SCAPER: variants seen among roughly 807,000 people sequenced by gnomAD.
SCAPER encodes S phase cyclin A-associated protein in the endoplasmic reticulum.
A neutral mutation model predicts 182.2 loss-of-function variants in SCAPER; 98 were observed. That is an observed-to-expected ratio of 0.54 (90% CI 0.46 to 0.64). The LOEUF (loss-of-function observed/expected upper bound fraction) is 0.64, where lower values mean the gene tolerates loss of function less well. Among genes scored for constraint, SCAPER ranks in the 30% least tolerant of loss-of-function variants. The pLI is 0.00. For missense variants in SCAPER, 1,432 were observed against 1,690.0 expected (o/e 0.85, Z 2.68); for synonymous variants, 605 against 564.6 (o/e 1.07, Z -1.01).
chr15:76,382,229 A>G (rs959037357), intron 27 of SCAPER, among the ~76,000 whole-genome samples: 1 of 152,216 alleles, frequency 6.6e-6, no homozygotes, highest in African/African-American at 2.4e-5. Flanking sequence ...CTTAGCTACC[A>G]TGGCAGGTAA....
intron 10 of SCAPER, among the ~76,000 whole-genome samples, chr15:76,769,962 C>T (rs2063357196): frequency 6.6e-6 from 1 of 152,112 alleles, no homozygotes; most frequent in East Asian, 1.9e-4. Context: ...CCCAAATGTC[C>T]ATCAATGATA....
intron 6 of SCAPER, among the ~76,000 whole-genome samples, chr15:76,803,093 A>C (rs1449419550): frequency 6.6e-6 from 1 of 152,138 alleles, no homozygotes; most frequent in African/African-American, 2.4e-5. Flanking sequence ...TCCCTACTTT[A>C]AAACCCTTTA....
chr15:76,798,459 AG>A lies in SCAPER; in HGVS notation c.611+1788del, dbSNP rs559559887. Among the ~76,000 whole-genome samples, 478 of 152,218 alleles carry A rather than the reference AG, an allele frequency of 3.1e-3. 5 individuals are homozygous for A. Among genetic ancestry groups the A allele is most frequent in the African/African-American group, 0.011 (457 of 41,546 alleles). On this transcript the variant is annotated intron_variant, in intron 7 of 31. Transcript: ENST00000563290. ...CAAACGTGTACAGTGGAATTTTCAAAGGAGAGAAGAGAGAGAAAGGGGCAGA... is the reference window on the plus strand; with the variant it reads ...CAAACGTGTACAGTGGAATTTTCAAAGAGAGAAGAGAGAGAAAGGGGCAGA...
At position 76,701,942 on chromosome 15, in the gene SCAPER, T is replaced by C. The variant is rs556653317; in HGVS notation, c.2401-77A>G. 6.3e-5 allele frequency: 61 copies of C among 969,026 alleles called. 1 individual carries two copies. The Middle Eastern group carries it at 2.8e-3, about 44-fold the overall frequency. The allele number at this position is 969,026 out of a possible 1,614,324, so 60.0% of individuals were successfully genotyped here. ...TAAACACTACACATTCAGTCCAGTA[T>C]ATGATATGTGAGTTGAGATCCACCT... On this transcript the variant is annotated intron_variant, in intron 19 of 31. Coordinates refer to ENST00000563290, the MANE Select transcript of SCAPER (RefSeq NM_020843.4).
intron 14 of SCAPER, among the ~76,000 whole-genome samples, chr15:76,762,413 T>G (rs1489729472): frequency 4.6e-5 from 7 of 151,876 alleles, no homozygotes; most frequent in Non-Finnish European, 7.4e-5. Context: ...TCTTTAGCAT[T>G]TGTGTATTTA....
At chr15:76,400,529 A>T (rs1470970594) in intron 27 of SCAPER, among the ~76,000 whole-genome samples, 2 of 152,216 alleles carry the variant, frequency 1.3e-5, no homozygotes, top group Admixed American at 6.5e-5. Flanking sequence ...GAATCTGAGG[A>T]GGTAGAAAAA....
chr15:76,772,310 T>C (rs2063517641), intron 9 of SCAPER, among the ~76,000 whole-genome samples: 1 of 152,042 alleles, frequency 6.6e-6, no homozygotes, highest in African/African-American at 2.4e-5. Context: ...CACTGTATTA[T>C]ACTCATACAA....
intron 8 of SCAPER, among the ~76,000 whole-genome samples, chr15:76,782,202 C>G (rs530383938): frequency 1.2e-4 from 18 of 151,254 alleles, no homozygotes; most frequent in South Asian, 6.3e-4. Context: ...ATCTACCAAG[C>G]AAATGGAAAG....
chr15:76,692,896 T>G (rs1300635838), intron 20 of SCAPER, among the ~76,000 whole-genome samples: 1 of 151,818 alleles, frequency 6.6e-6, no homozygotes, highest in Non-Finnish European at 1.5e-5. Flanking sequence ...AAATAAAAAC[T>G]TTTGACAAGG....
intron 23 of SCAPER, 151 bp downstream of exon 23, chr15:76,574,007 A>G (rs1036067846): frequency 1.6e-5 from 12 of 748,178 alleles, no homozygotes; most frequent in Non-Finnish European, 1.8e-5. Context: ...GAAAAGAACA[A>G]AAGTAAAAAA....
chr15:76,800,854 T>G (rs370568050), intron 6 of SCAPER, among the ~76,000 whole-genome samples: 31 of 152,130 alleles, frequency 2.0e-4, no homozygotes, highest in African/African-American at 7.5e-4. Flanking sequence ...CTCACGAGAG[T>G]AGGATTTCAC....
At chr15:76,760,538 CATGATCTATTAA>C (rs2062713916) in intron 14 of SCAPER, among the ~76,000 whole-genome samples, 1 of 152,144 alleles carries the variant, frequency 6.6e-6, no homozygotes, top group South Asian at 2.1e-4. Flanking sequence ...ATTACAGAGG[CATGATCTATTAA>C]ATCACTGGCT....
chr15:76,619,724 T>A (rs1005084216), intron 22 of SCAPER, among the ~76,000 whole-genome samples: 2 of 152,198 alleles, frequency 1.3e-5, no homozygotes, highest in East Asian at 3.8e-4. Flanking sequence ...TATCTCCTAA[T>A]GCTATCCTGT....
At chr15:76,904,811 A>G (rs1040526590) in intron 1 of SCAPER, 1 of 152,296 alleles carries the variant, frequency 6.6e-6, no homozygotes, top group Non-Finnish European at 1.5e-5. Flanking sequence ...GAGTACAGGG[A>G]AAGCATGGTA....
At chr15:76,676,281 G>A (rs1160412494) in intron 20 of SCAPER, among the ~76,000 whole-genome samples, 2 of 152,106 alleles carry the variant, frequency 1.3e-5, no homozygotes, top group African/African-American at 4.8e-5. Context: ...AGCCTGCACT[G>A]GCTGGGATCA....
chr15:76,635,719 A>G (rs1237552734), intron 21 of SCAPER, among the ~76,000 whole-genome samples: 1 of 151,440 alleles, frequency 6.6e-6, no homozygotes, highest in African/African-American at 2.4e-5. Context: ...CCTTTACCAG[A>G]TTAAGAAAGT....
intron 1 of SCAPER, among the ~76,000 whole-genome samples, chr15:76,885,569 T>C (rs1394628163): frequency 6.6e-6 from 1 of 152,244 alleles, no homozygotes; most frequent in African/African-American, 2.4e-5. Flanking sequence ...CTGCAACCTC[T>C]GCCTCCCTGA....
intron 6 of SCAPER, 45 bp downstream of exon 6, chr15:76,804,488 G>A (rs367860395): frequency 3.8e-6 from 5 of 1,316,386 alleles, no homozygotes; most frequent in Non-Finnish European, 4.3e-6. Flanking sequence ...GATTGCTATT[G>A]AAACTGCTGG....
chr15:76,610,168 C>T (rs1237300916), intron 22 of SCAPER, among the ~76,000 whole-genome samples: 3 of 152,116 alleles, frequency 2.0e-5, no homozygotes, highest in African/African-American at 7.2e-5. Flanking sequence ...CACTGTGCGC[C>T]CACTCCCAGC....
Sources: allele counts gnomAD v4.1 joint callset (sites outside exome capture counted in the v4.1 genomes callset), GRCh38; gene constraint gnomAD v4.1.1; transcripts MANE v1.5; gene names NCBI Gene and HGNC (gene_info 2026-07-23, HGNC 2026-07-21).